The following VAMP2 variants were observed in gnomAD, a reference collection of about 807,000 sequenced individuals.
VAMP2 encodes vesicle-associated membrane protein 2.
For missense variants in VAMP2, 95 were observed against 151.3 expected, an observed-to-expected ratio of 0.63 and a Z score of 1.95; for synonymous variants, 67 against 57.3, an observed-to-expected ratio of 1.17 and a Z score of -0.76.
At position 8,162,375 on chromosome 17, in the gene VAMP2, G is replaced by A. The variant is rs1187102576; in HGVS notation, c.3-6C>T. The A allele has an allele frequency of 1.2e-6, 2 of 1,611,128 alleles. No homozygotes were observed. Among genetic ancestry groups the A allele is most frequent in the South Asian group, 2.2e-5 (2 of 90,836 alleles). The stretch of plus-strand genomic sequence containing the variant: ...CCGTGGCAGCGGTAGCAGACCTGAG[G>A]AGCAGGGACGGATTAAGACCCAGGG... On this transcript the variant is annotated splice_polypyrimidine_tract_variant and splice_region_variant and intron_variant, in intron 1 of 4. Transcript: ENST00000316509.
Position 8,160,382 on chromosome 17 carries a change from T to TTTTTTTTTTTTTTTTA in VAMP2, c.*472_*473insTAAAAAAAAAAAAAAA, listed in dbSNP as rs1567543331. 1 of 117,312 alleles carries TTTTTTTTTTTTTTTTA rather than the reference T, an allele frequency of 8.5e-6. No individual in the cohort carries two copies. Among genetic ancestry groups the TTTTTTTTTTTTTTTTA allele is most frequent in the Non-Finnish European group, 1.8e-5 (1 of 56,688 alleles). 7.3% of individuals were successfully genotyped at this position (117,312 alleles called of 1,614,324 possible). A position where few individuals can be genotyped will look rare whatever the true frequency, so the allele number is the denominator to read the frequency against. On this transcript the variant is annotated 3_prime_UTR_variant, in exon 5 of 5. Transcript: ENST00000316509. The stretch of plus-strand genomic sequence containing the variant: ...AGGAAGCCTGGACAGGTGCTGTTGT[T>TTTTTTTTTTTTTTTTA]TTTTTTTTTTTTTTTTTTTTTTTGA...
chr17:8,160,385 T>TTTTTTTTTTTTC lies in VAMP2; in HGVS notation c.*469_*470insGAAAAAAAAAAA, dbSNP rs1983264446. The TTTTTTTTTTTTC allele has an allele frequency of 8.1e-6, 1 of 124,138 alleles. No individual in the cohort carries two copies. The highest frequency in any genetic ancestry group is 1.7e-5 in the Non-Finnish European group (1 of 58,470). 7.7% of individuals were successfully genotyped at this position (124,138 alleles called of 1,614,324 possible). On this transcript the variant is annotated 3_prime_UTR_variant, in exon 5 of 5. Coordinates refer to ENST00000316509, the MANE Select transcript of VAMP2 (RefSeq NM_014232.3). The stretch of plus-strand genomic sequence containing the variant: ...AAGCCTGGACAGGTGCTGTTGTTTT[T>TTTTTTTTTTTTC]TTTTTTTTTTTTTTTTTTTTGAGGG...
At position 8,161,258 on chromosome 17, in the gene VAMP2, C is replaced by T. The variant is rs546106700; in HGVS notation, c.334+215G>A. The T allele has an allele frequency of 3.4e-5, 24 of 701,294 alleles. No individual in the cohort carries two copies. The South Asian group carries it at 3.9e-4, about 11-fold the overall frequency. The allele number at this position is 701,294 out of a possible 1,614,324, so 43.4% of individuals were successfully genotyped here. A position where few individuals can be genotyped will look rare whatever the true frequency, so the allele number is the denominator to read the frequency against. On this transcript the variant is annotated intron_variant, in intron 4 of 4. Transcript: ENST00000316509. ...GGTCCTCAATGGATACACCAGCTTT[C>T]CTATTTCCAAATGTTAACAAGACTG... is the stretch of plus-strand genomic sequence containing the variant.
In VAMP2 at chr17:8,159,184, A is replaced by G. The variant is rs898066456; in HGVS notation, c.*1671T>C. On this transcript the variant is annotated 3_prime_UTR_variant, in exon 5 of 5. Transcript: ENST00000316509. Reference sequence around the variant, plus strand: ...TTACACATTTATTGTACATTTTCACAATCTGGATGCGCCACAGAATTGGGG... The same window carrying G: ...TTACACATTTATTGTACATTTTCACGATCTGGATGCGCCACAGAATTGGGG... 2 of 150,112 alleles carry G rather than the reference A, an allele frequency of 1.3e-5. No homozygotes were observed. The highest frequency in any genetic ancestry group is 3.0e-5 in the Non-Finnish European group (2 of 67,452). 9.3% of individuals were successfully genotyped at this position (150,112 alleles called of 1,614,324 possible).
At chr17:8,162,537 C>T (rs534237719) in intron 1 of VAMP2, 168 bp from the exon 2 acceptor site, 30 of 1,500,574 alleles carry the variant, frequency 2.0e-5, no homozygotes, top group Non-Finnish European at 1.9e-5. Flanking sequence ...CGATGAGCTG[C>T]GTGACCTTGA....
intron 1 of VAMP2, 169 bp from the exon 2 acceptor site, chr17:8,162,538 G>A (rs1412519011): frequency 2.7e-6 from 4 of 1,497,960 alleles, no homozygotes; most frequent in Admixed American, 2.4e-5. Flanking sequence ...GATGAGCTGC[G>A]TGACCTTGAG....
In VAMP2 at chr17:8,162,905, G is replaced by C; in HGVS notation, c.-26C>G. ...GGCGGGGGCAGCGGGTGGAGGACTT[G>C]GCAGCGGCAGTGATGGCGGCGGCGG... On this transcript the variant is annotated 5_prime_UTR_variant, in exon 1 of 5. Transcript: ENST00000316509. 1.7e-6 allele frequency: 2 copies of C among 1,210,124 alleles called. No individual in the cohort carries two copies. The highest frequency in any genetic ancestry group is 2.1e-6 in the Non-Finnish European group (2 of 973,970). 75.0% of individuals were successfully genotyped at this position (1,210,124 alleles called of 1,614,324 possible).
At chr17:8,161,795 G>A (rs773562158) in intron 2 of VAMP2, 29 bp from the exon 3 acceptor site, 3 of 1,603,228 alleles carry the variant, frequency 1.9e-6, no homozygotes, top group East Asian at 2.2e-5. Context: ...AGGCAGGGGG[G>A]TGTGCCAAGG....
Position 8,159,857 on chromosome 17 carries a change from C to A in VAMP2, c.*998G>T, listed in dbSNP as rs142392949. 6.5e-6 allele frequency: 1 copy of A among 152,774 alleles called. No homozygotes were observed. Among genetic ancestry groups the A allele is most frequent in the East Asian group, 1.9e-4 (1 of 5,188 alleles). The allele number at this position is 152,774 out of a possible 1,614,324, so 9.5% of individuals were successfully genotyped here. On this transcript the variant is annotated 3_prime_UTR_variant, in exon 5 of 5. Transcript: ENST00000316509. ...TGGATCAGGCAGATGGGAGGGAAAC[C>A]CCATGGGAATGTCAGTTGAGTACCC...
intron 1 of VAMP2, 118 bp from the exon 2 acceptor site, chr17:8,162,487 C>T (rs1260364706): frequency 1.3e-6 from 2 of 1,549,158 alleles, no homozygotes; most frequent in African/African-American, 2.7e-5. Context: ...GGGAGGAAGG[C>T]CACCCGATGT....
Position 8,160,722 on chromosome 17 carries a change from G to A in VAMP2, c.*133C>T. The A allele has an allele frequency of 1.5e-6, 1 of 687,912 alleles. No individual in the cohort carries two copies. Among genetic ancestry groups the A allele is most frequent in the Non-Finnish European group, 2.3e-6 (1 of 437,038 alleles). 42.6% of individuals were successfully genotyped at this position (687,912 alleles called of 1,614,324 possible). A position where few individuals can be genotyped will look rare whatever the true frequency, so the allele number is the denominator to read the frequency against. Reference sequence around the variant, plus strand: ...ATAAATAACAGCTGGCTATTTACAGGGGGACACACACACGGACACACACAC... The same window carrying A: ...ATAAATAACAGCTGGCTATTTACAGAGGGACACACACACGGACACACACAC... On this transcript the variant is annotated 3_prime_UTR_variant, in exon 5 of 5. Coordinates refer to ENST00000316509, the MANE Select transcript of VAMP2 (RefSeq NM_014232.3).
chr17:8,162,919 T>C lies in VAMP2; in HGVS notation c.-40A>G, dbSNP rs1374743853. 27 of 1,206,936 alleles carry C rather than the reference T, an allele frequency of 2.2e-5. No individual in the cohort carries two copies. Among genetic ancestry groups the C allele is most frequent in the Non-Finnish European group, 2.7e-5 (26 of 972,018 alleles). The allele number at this position is 1,206,936 out of a possible 1,614,324, so 74.8% of individuals were successfully genotyped here. ...GTGGAGGACTTGGCAGCGGCAGTGATGGCGGCGGCGGCTCGCGCTGGCTCC... is the reference window on the plus strand; with the variant it reads ...GTGGAGGACTTGGCAGCGGCAGTGACGGCGGCGGCGGCTCGCGCTGGCTCC... On this transcript the variant is annotated 5_prime_UTR_variant, in exon 1 of 5. Transcript: ENST00000316509.
At position 8,162,242 on chromosome 17, in the gene VAMP2, C is replaced by A; in HGVS notation, c.123+7G>T. 6.5e-7 allele frequency: 1 copy of A among 1,536,826 alleles called. No homozygotes were observed. Among genetic ancestry groups the A allele is most frequent in the Non-Finnish European group, 8.7e-7 (1 of 1,146,514 alleles). ...CTCCTACTGCTTTTGACTCCCCCCACACTCACCTCATCCACCTGGGCCTGG... is the reference window on the plus strand; with the variant it reads ...CTCCTACTGCTTTTGACTCCCCCCAAACTCACCTCATCCACCTGGGCCTGG... On this transcript the variant is annotated splice_region_variant and intron_variant, in intron 2 of 4. Coordinates refer to ENST00000316509, the MANE Select transcript of VAMP2 (RefSeq NM_014232.3).
rs769584816 is a variant in VAMP2, at chr17:8,161,603, C to A, written c.282+5G>T. The A allele has an allele frequency of 1.4e-5, 22 of 1,613,962 alleles. No individual in the cohort carries two copies. Among genetic ancestry groups the A allele is most frequent in the Non-Finnish European group, 1.8e-5 (21 of 1,179,950 alleles). On this transcript the variant is annotated splice_donor_5th_base_variant and intron_variant, in intron 3 of 4. Coordinates refer to ENST00000316509, the MANE Select transcript of VAMP2 (RefSeq NM_014232.3). ...ACCTGTCCTCCTTCCTGTCCCCACC[C>A]TTACCTTGAGGTTTTTCCACCAGTA...
intron 4 of VAMP2, 73 bp downstream of exon 4, chr17:8,161,400 G>C: frequency 6.4e-7 from 1 of 1,573,246 alleles, no homozygotes; most frequent in South Asian, 1.2e-5. Context: ...CTAGATTAAT[G>C]ACCTTCAAAA....
intron 1 of VAMP2, 81 bp downstream of exon 1, chr17:8,162,797 C>T: frequency 2.5e-6 from 3 of 1,217,664 alleles, no homozygotes. Context: ...AGGAGAGACC[C>T]CGGGCACTCC....
chr17:8,160,766 G>GGA lies in VAMP2; in HGVS notation c.*88_*89insTC, dbSNP rs1472265526. The GGA allele has an allele frequency of 6.8e-7, 1 of 1,478,730 alleles. No homozygotes were observed. Among genetic ancestry groups the GGA allele is most frequent in the Non-Finnish European group, 9.2e-7 (1 of 1,081,744 alleles). The allele number at this position is 1,478,730 out of a possible 1,614,324, so 91.6% of individuals were successfully genotyped here. A position where few individuals can be genotyped will look rare whatever the true frequency, so the allele number is the denominator to read the frequency against. ...CACACACACACGGATCCAGGGGAGT[G>GGA]GGGGCTGAAAGATATGGCTGAGAGG... On this transcript the variant is annotated 3_prime_UTR_variant, in exon 5 of 5. Transcript: ENST00000316509.
chr17:8,159,495 G>C lies in VAMP2; in HGVS notation c.*1360C>G, dbSNP rs905480611. On this transcript the variant is annotated 3_prime_UTR_variant, in exon 5 of 5. Coordinates refer to ENST00000316509, the MANE Select transcript of VAMP2 (RefSeq NM_014232.3). ...ACCCAATGAGAGGACAGCTCTCTCTGGGCTCAATAGTCCTGGAGAGGGGCA... is the reference window on the plus strand; with the variant it reads ...ACCCAATGAGAGGACAGCTCTCTCTCGGCTCAATAGTCCTGGAGAGGGGCA... 1.3e-5 allele frequency: 2 copies of C among 152,594 alleles called. No homozygotes were observed. The highest frequency in any genetic ancestry group is 2.9e-5 in the Non-Finnish European group (2 of 68,052). The allele number at this position is 152,594 out of a possible 1,614,324, so 9.5% of individuals were successfully genotyped here.
chr17:8,162,763 C>T (rs1454389324), intron 1 of VAMP2, 115 bp downstream of exon 1: 10 of 1,247,936 alleles, frequency 8.0e-6, no homozygotes, highest in Non-Finnish European at 1.0e-5. Flanking sequence ...CGGCTTGGGC[C>T]TGGCCCCGGG....
Sources: gnomAD v4.1 joint callset for allele counts on GRCh38, gnomAD v4.1.1 for gene constraint, MANE v1.5 for transcripts, NCBI Gene and HGNC (gene_info 2026-07-23, HGNC 2026-07-21) for gene names.